TACC2: variants seen among roughly 807,000 people sequenced by gnomAD.
TACC2 encodes the protein transforming acidic coiled-coil containing protein 2, also known as transforming acidic coiled-coil-containing protein 2.
A neutral mutation model predicts 227.3 loss-of-function variants in TACC2; 137 were observed. The observed-to-expected ratio is 0.60, with a 90% CI of 0.52 to 0.69. TACC2 has a LOEUF of 0.69. Among genes scored for constraint, TACC2 ranks in the 30% least tolerant of loss-of-function variants. The probability of loss-of-function intolerance (pLI) is 0.00; values close to 1 mark genes in which losing one functional copy is unlikely to be tolerated. For synonymous variants in TACC2, 1,523 were observed against 1,487.5 expected (o/e 1.02, Z -0.55); for missense variants, 3,470 against 3,694.4 (o/e 0.94, Z 1.57).
At chr10:122,203,908 C>T (rs1353331991) in intron 8 of TACC2, among the ~76,000 whole-genome samples, 1 of 152,068 alleles carries the variant, frequency 6.6e-6, no homozygotes, top group Non-Finnish European at 1.5e-5. Context: ...GCAATCCCGG[C>T]ACCTCGGGAG....
At chr10:122,148,605 G>A (rs2091685367) in intron 7 of TACC2, among the ~76,000 whole-genome samples, 1 of 152,244 alleles carries the variant, frequency 6.6e-6, no homozygotes, top group Non-Finnish European at 1.5e-5. Flanking sequence ...AGTGAGACCT[G>A]GTGTATTGAC....
rs1380484560 is a variant in TACC2 at position 122,226,235 on chromosome 10, T to TG, written c.7609-129dup. The TG allele has an allele frequency of 6.2e-6, 4 of 646,154 alleles. No individual in the cohort carries two copies. The East Asian group carries it at 1.1e-4, about 18-fold the overall frequency. The allele number at this position is 646,154 out of a possible 1,614,324, so 40.0% of individuals were successfully genotyped here. ...GCCCCACTTCCTCCTCTCTTCCTGG[T>TG]GGCTCCAGAACAATGAAGGCTTTTC... On this transcript the variant is annotated intron_variant, in intron 12 of 22. Transcript: ENST00000369005.
At chr10:122,248,193 C>T (rs993773807) in intron 19 of TACC2, 1 of 157,406 alleles carries the variant, frequency 6.4e-6, no homozygotes, top group African/African-American at 2.4e-5. Context: ...TCTCCAAAGA[C>T]CTCCTCTCTG....
Position 122,150,252 on chromosome 10 carries a change from G to A in TACC2, c.5834+6546G>A, listed in dbSNP as rs2091899493. Among the ~76,000 whole-genome samples the A allele has an allele frequency of 6.6e-6, 1 of 152,252 alleles. No individual in the cohort carries two copies. Among genetic ancestry groups the A allele is most frequent in the African/African-American group, 2.4e-5 (1 of 41,478 alleles). ...CAGTCCCACGGCCCCTAGAGCAGCT[G>A]GGAAGGGGATCCCGCCCTGAAATGG... On this transcript the variant is annotated intron_variant, in intron 7 of 22. Transcript: ENST00000369005. This position sits in a 1 kb window ranked among gnomAD's most constrained non-coding sequence, Gnocchi z 4.0.
At chr10:122,212,376 T>C (rs1318092164) in intron 9 of TACC2, among the ~76,000 whole-genome samples, 1 of 152,200 alleles carries the variant, frequency 6.6e-6, no homozygotes, top group African/African-American at 2.4e-5. Flanking sequence ...CAGGAAGCCA[T>C]TGGTCCTTGG....
chr10:122,166,288 A>AT (rs972435405), intron 7 of TACC2, among the ~76,000 whole-genome samples: 21 of 151,858 alleles, frequency 1.4e-4, no homozygotes, highest in Admixed American at 3.9e-4. Flanking sequence ...TGACTGAAGG[A>AT]TTTTTTTTTA....
At chr10:122,104,939 G>A (rs1347161930) in intron 5 of TACC2, among the ~76,000 whole-genome samples, 4 of 152,186 alleles carry the variant, frequency 2.6e-5, no homozygotes, top group Admixed American at 6.5e-5. Context: ...GATGATAGAC[G>A]TAAGCATAAG....
intron 3 of TACC2, chr10:122,052,824 C>A (rs1186083635): frequency 1.3e-5 from 2 of 152,212 alleles, no homozygotes; most frequent in Non-Finnish European, 2.9e-5. Flanking sequence ...CAGAAACCAT[C>A]TATCGAGAAG....
chr10:122,090,282 C>T (rs1369590730), intron 5 of TACC2, among the ~76,000 whole-genome samples: 1 of 151,866 alleles, frequency 6.6e-6, no homozygotes. Context: ...TGTGGTGGCT[C>T]ACACCTGTAA....
chr10:122,157,619 C>A (rs2092572567), intron 7 of TACC2, among the ~76,000 whole-genome samples: 1 of 152,000 alleles, frequency 6.6e-6, no homozygotes, highest in Non-Finnish European at 1.5e-5. Flanking sequence ...CAGACTTGTA[C>A]CCCACTCCAG....
At chr10:122,227,156 T>C (rs139167461) in intron 13 of TACC2, among the ~76,000 whole-genome samples, 317 of 152,330 alleles carry the variant, frequency 2.1e-3, no homozygotes, top group Admixed American at 7.0e-3. Flanking sequence ...TGTAAAGCTC[T>C]TGTTGAAGTA....
rs570361026 is a variant in TACC2 at position 122,011,391 on chromosome 10, G to A, written c.-45-10546G>A. 7.2e-4 allele frequency among the ~76,000 whole-genome samples: 109 copies of A among 152,190 alleles called. 1 individual carries two copies. The highest frequency in any genetic ancestry group is 2.3e-3 in the South Asian group (11 of 4,822). On this transcript the variant is annotated intron_variant, in intron 1 of 22. Coordinates refer to ENST00000369005, the MANE Select transcript of TACC2 (RefSeq NM_206862.4). Reference sequence around the variant, plus strand: ...TGTTGCCAGGCTGGGGTGCAGTGGCGGGCTCTCGGCTCACTGCAACCTCCA... The same window carrying A: ...TGTTGCCAGGCTGGGGTGCAGTGGCAGGCTCTCGGCTCACTGCAACCTCCA...
At chr10:122,231,018 G>C (rs149655374) in intron 16 of TACC2, among the ~76,000 whole-genome samples, 18 of 152,332 alleles carry the variant, frequency 1.2e-4, no homozygotes, top group African/African-American at 4.1e-4. Flanking sequence ...GGGCCGTACT[G>C]TCTGGCACTG....
chr10:122,106,513 C>T (rs1248427933), intron 5 of TACC2, among the ~76,000 whole-genome samples: 2 of 152,168 alleles, frequency 1.3e-5, no homozygotes, highest in Non-Finnish European at 2.9e-5. Flanking sequence ...ATTGTTGCTA[C>T]AACATAATTT....
chr10:122,080,213 TTTTTTTTTTTTG>T (rs1467066205), intron 3 of TACC2, among the ~76,000 whole-genome samples: 42 of 8,800 alleles, frequency 4.8e-3, no homozygotes, highest in African/African-American at 8.8e-3. Context: ...TTCCTTTCCT[TTTTTTTTTTTTG>T]TTTTTTTTTT....
In TACC2 at chr10:122,209,375, C is replaced by G. The variant is rs990978631; in HGVS notation, c.5972-1022C>G. ...TAGTATGAATATTTATGGAAGCCTC[C>G]GTATGCCTTCCTGCAGGATTTCTCT... On this transcript the variant is annotated intron_variant, in intron 8 of 22. Transcript: ENST00000369005. This position sits in a 1 kb window ranked among gnomAD's most constrained non-coding sequence, Gnocchi z 4.5. Among the ~76,000 whole-genome samples the G allele has an allele frequency of 6.6e-6, 1 of 152,172 alleles. No homozygotes were observed. The highest frequency in any genetic ancestry group is 1.5e-5 in the Non-Finnish European group (1 of 68,028).
chr10:122,152,999 C>CTTTCTTTTTTTTTTTTTTT (rs71026005), intron 7 of TACC2, among the ~76,000 whole-genome samples: 5 of 135,032 alleles, frequency 3.7e-5, no homozygotes, highest in Non-Finnish European at 4.8e-5. Context: ...TTCTTTCTTT[C>CTTTCTTTTTTTTTTTTTTT]TTTTTTTTTT....
At chr10:122,056,116 C>T (rs1266045624) in intron 3 of TACC2, among the ~76,000 whole-genome samples, 3 of 152,242 alleles carry the variant, frequency 2.0e-5, no homozygotes, top group South Asian at 2.1e-4. Context: ...TTCTAGGCTT[C>T]GCCTCTGGGG....
rs758511027 is a variant in TACC2 at position 122,213,401 on chromosome 10, C to A, written c.7283+1693C>A. On this transcript the variant is annotated intron_variant, in intron 9 of 22. Coordinates refer to ENST00000369005, the MANE Select transcript of TACC2 (RefSeq NM_206862.4). ...TTGTAAGTAAATTTAATGCAATCTGCCTCTTATGCCAAATGTGCTTATTTT... is the reference window on the plus strand; with the variant it reads ...TTGTAAGTAAATTTAATGCAATCTGACTCTTATGCCAAATGTGCTTATTTT... 1.3e-5 allele frequency: 21 copies of A among 1,610,290 alleles called. No homozygotes were observed. In the African/African-American group the frequency reaches 1.9e-4, roughly 14 times the overall value.
Sources: gnomAD v4.1 joint callset for allele counts (sites outside exome capture counted in the v4.1 genomes callset) on GRCh38, gnomAD v4.1.1 for gene constraint, Gnocchi (gnomAD v3.1) non-coding constraint, MANE v1.5 for transcripts, NCBI Gene and HGNC (gene_info 2026-07-23, HGNC 2026-07-21) for gene names.